ERBB4: variants seen among roughly 807,000 people sequenced by gnomAD.
ERBB4 encodes erb-b2 receptor tyrosine kinase 4.
Under a neutral mutation model 158.0 loss-of-function variants are expected in ERBB4, and 42 were observed. The ratio of observed to expected loss-of-function variants is 0.27; its 90% confidence interval spans 0.21 to 0.34. ERBB4 has a LOEUF of 0.34. ERBB4 is among the 10% of genes least tolerant of loss of function. ERBB4 has a pLI of 1.00. For missense variants in ERBB4, 1,333 were observed against 1,624.1 expected, an observed-to-expected ratio of 0.82 and a Z score of 3.08; for synonymous variants, 583 against 558.7, an observed-to-expected ratio of 1.04 and a Z score of -0.61.
chr2:212,299,628 A>G (rs1054776971), intron 1 of ERBB4, among the ~76,000 whole-genome samples: 2 of 151,558 alleles, frequency 1.3e-5, no homozygotes, highest in African/African-American at 4.8e-5. Context: ...AGAGGTAATG[A>G]TATAGCATTA....
intron 2 of ERBB4, among the ~76,000 whole-genome samples, chr2:212,080,262 G>A (rs375452656): frequency 6.6e-6 from 1 of 151,422 alleles, no homozygotes; most frequent in African/African-American, 2.4e-5. Context: ...GCAGTGAGCC[G>A]GGATTGTGCC....
At position 211,589,030 on chromosome 2, in the gene ERBB4, G is replaced by A. The variant is rs1389542109; in HGVS notation, c.2302-26942C>T. 2.6e-5 allele frequency among the ~76,000 whole-genome samples: 4 copies of A among 152,086 alleles called. No homozygotes were observed. In the East Asian group the frequency reaches 7.7e-4, roughly 29 times the overall value. Reference sequence around the variant, plus strand: ...ATACAAGAAGAAAATAAATATAACTGTGTTCAAATCCTGAAAATCTATAAT... The same window carrying A: ...ATACAAGAAGAAAATAAATATAACTATGTTCAAATCCTGAAAATCTATAAT... On this transcript the variant is annotated intron_variant, in intron 19 of 27. Transcript: ENST00000342788.
chr2:211,956,086 C>T (rs901131971), intron 2 of ERBB4, among the ~76,000 whole-genome samples: 4 of 149,486 alleles, frequency 2.7e-5, no homozygotes, highest in African/African-American at 7.4e-5. Context: ...CATATTTATA[C>T]AGGTAGGCTT....
At chr2:212,499,284 ATTTT>A (rs1305852346) in intron 1 of ERBB4, among the ~76,000 whole-genome samples, 1 of 151,944 alleles carries the variant, frequency 6.6e-6, no homozygotes, top group Non-Finnish European at 1.5e-5. Context: ...CATTTCAGTA[ATTTT>A]TTATTATCTA....
intron 20 of ERBB4, among the ~76,000 whole-genome samples, chr2:211,511,399 A>T (rs967488166): frequency 6.6e-6 from 1 of 152,086 alleles, no homozygotes; most frequent in African/African-American, 2.4e-5. Context: ...AAATACAGAC[A>T]GATATATTAC....
intron 1 of ERBB4, among the ~76,000 whole-genome samples, chr2:212,128,978 T>G (rs1386613754): frequency 6.6e-6 from 1 of 152,088 alleles, no homozygotes; most frequent in Admixed American, 6.5e-5. Context: ...TAAATTTATA[T>G]AAAATCTTTA....
At chr2:212,259,699 T>G (rs1360160939) in intron 1 of ERBB4, among the ~76,000 whole-genome samples, 2 of 152,174 alleles carry the variant, frequency 1.3e-5, no homozygotes, top group African/African-American at 4.8e-5. Context: ...ACAAGAGTAA[T>G]ACTATTCCTC....
At chr2:212,198,101 G>C (rs1373954552) in intron 1 of ERBB4, among the ~76,000 whole-genome samples, 3 of 152,096 alleles carry the variant, frequency 2.0e-5, no homozygotes, top group Non-Finnish European at 4.4e-5. Flanking sequence ...TTAATTGATA[G>C]AAACAATATT....
intron 3 of ERBB4, among the ~76,000 whole-genome samples, chr2:211,946,717 A>C (rs1447110992): frequency 6.7e-6 from 1 of 150,228 alleles, no homozygotes; most frequent in African/African-American, 2.4e-5. Flanking sequence ...AGTAAAATTC[A>C]TTATACCAAA....
At chr2:212,016,488 A>AAT (rs1559324278) in intron 2 of ERBB4, among the ~76,000 whole-genome samples, 1 of 152,138 alleles carries the variant, frequency 6.6e-6, no homozygotes, top group African/African-American at 2.4e-5. Context: ...AATTTATAAA[A>AAT]AATCTACTGG....
chr2:211,757,603 C>A (rs985614642), intron 4 of ERBB4, among the ~76,000 whole-genome samples: 2 of 152,166 alleles, frequency 1.3e-5, no homozygotes, highest in African/African-American at 2.4e-5. Context: ...GAAGTGTCTG[C>A]AGCGCTTCCA....
At chr2:212,375,249 C>T (rs113496332) in intron 1 of ERBB4, among the ~76,000 whole-genome samples, 7,051 of 152,106 alleles carry the variant, frequency 0.046, 211 homozygotes, top group South Asian at 0.071. Context: ...GGTACTACCA[C>T]AGTAATATAA....
At chr2:212,203,112 A>G (rs1017032895) in intron 1 of ERBB4, among the ~76,000 whole-genome samples, 1 of 152,114 alleles carries the variant, frequency 6.6e-6, no homozygotes, top group Non-Finnish European at 1.5e-5. Flanking sequence ...GGAATCAACT[A>G]GAAATAAAAA....
In ERBB4 at chr2:212,301,863, A is replaced by C. The variant is rs569023488; in HGVS notation, c.83-176960T>G. Among the ~76,000 whole-genome samples, 166 of 151,518 alleles carry C rather than the reference A, an allele frequency of 1.1e-3. 1 individual carries two copies. The highest frequency in any genetic ancestry group is 3.9e-3 in the African/African-American group (161 of 41,446). On this transcript the variant is annotated intron_variant, in intron 1 of 27. Coordinates refer to ENST00000342788, the MANE Select transcript of ERBB4 (RefSeq NM_005235.3). ...GCTTTGAAAAATAACATCACATCTT[A>C]TTTTTTAAAATAAAAACATAAAGTT...
chr2:211,383,490 G>T lies in ERBB4; in HGVS notation c.*125C>A. On this transcript the variant is annotated 3_prime_UTR_variant, in exon 28 of 28. Coordinates refer to ENST00000342788, the MANE Select transcript of ERBB4 (RefSeq NM_005235.3). ...AGCACATAACTATCATTGCATCTCT[G>T]TATCTTCCACTGGGAAGTGTCAAAA... The T allele has an allele frequency of 1.3e-6, 1 of 753,034 alleles. No homozygotes were observed. The highest frequency in any genetic ancestry group is 2.3e-6 in the Non-Finnish European group (1 of 428,024). The allele number at this position is 753,034 out of a possible 1,614,324, so 46.6% of individuals were successfully genotyped here.
Position 211,992,398 on chromosome 2 carries a change from A to T in ERBB4, c.235-44782T>A, listed in dbSNP as rs564387228. Among the ~76,000 whole-genome samples the T allele has an allele frequency of 1.6e-4, 24 of 152,134 alleles. No homozygotes were observed. The South Asian group carries it at 4.6e-3, about 29-fold the overall frequency. ...CTGTCACAAGAATAGCATGGGAAAG[A>T]CTGCCCCCCATGATTCAAATGTGGG... On this transcript the variant is annotated intron_variant, in intron 2 of 27. Coordinates refer to ENST00000342788, the MANE Select transcript of ERBB4 (RefSeq NM_005235.3).
chr2:211,707,146 C>T (rs763037631), intron 9 of ERBB4, among the ~76,000 whole-genome samples: 44 of 152,194 alleles, frequency 2.9e-4, no homozygotes, highest in Admixed American at 4.6e-4. Flanking sequence ...GGGGTCAGTC[C>T]GGACCTTTAC....
chr2:212,407,624 G>A (rs571246934), intron 1 of ERBB4, among the ~76,000 whole-genome samples: 1 of 152,008 alleles, frequency 6.6e-6, no homozygotes, highest in Non-Finnish European at 1.5e-5. Context: ...TCAAGAGTAT[G>A]TGTAATATAT....
intron 20 of ERBB4, among the ~76,000 whole-genome samples, chr2:211,493,672 AAT>A (rs1354314814): frequency 1.5e-5 from 2 of 130,706 alleles, no homozygotes; most frequent in Non-Finnish European, 3.2e-5. Flanking sequence ...GATGATTTGA[AAT>A]ATATATTTTT....
Sources: gnomAD v4.1 joint callset for allele counts (sites outside exome capture counted in the v4.1 genomes callset) on GRCh38, gnomAD v4.1.1 for gene constraint, MANE v1.5 for transcripts, NCBI Gene and HGNC (gene_info 2026-07-23, HGNC 2026-07-21) for gene names.